BIRC6: variants seen among roughly 807,000 people sequenced by gnomAD.
BIRC6 encodes baculoviral IAP repeat containing 6, also known as dual E2 ubiquitin-conjugating enzyme/E3 ubiquitin-protein ligase BIRC6.
Under a neutral mutation model 503.3 loss-of-function variants are expected in BIRC6, and 98 were observed. That is an observed-to-expected ratio of 0.19 (90% CI 0.17 to 0.23). The LOEUF (loss-of-function observed/expected upper bound fraction) is 0.23, where lower values mean the gene tolerates loss of function less well. BIRC6 is among the 10% of genes least tolerant of loss of function. The probability of loss-of-function intolerance (pLI) is 1.00; values close to 1 mark genes in which losing one functional copy is unlikely to be tolerated. For synonymous variants in BIRC6, 2,240 were observed against 2,078.7 expected (o/e 1.08, Z -2.11); for missense variants, 5,360 against 5,806.0 (o/e 0.92, Z 2.50).
At chr2:32,373,226 A>G (rs2036233891) in intron 1 of BIRC6, among the ~76,000 whole-genome samples, 2 of 138,354 alleles carry the variant, frequency 1.4e-5, no homozygotes, top group South Asian at 4.8e-4. Flanking sequence ...TTTCTGCAGG[A>G]AAAAAAAAAA....
chr2:32,556,548 A>G (rs1282372354), intron 65 of BIRC6, among the ~76,000 whole-genome samples: 1 of 152,206 alleles, frequency 6.6e-6, no homozygotes, highest in Non-Finnish European at 1.5e-5. Flanking sequence ...CATCCCAGTT[A>G]AGAGTGAGCT....
chr2:32,469,257 G>T (rs2048878147), intron 29 of BIRC6, 138 bp from the exon 30 acceptor site: 1 of 697,826 alleles, frequency 1.4e-6, no homozygotes, highest in African/African-American at 1.8e-5. Context: ...CATACAAGGA[G>T]TAAATACATT....
At chr2:32,529,351 T>A (rs986428347) in intron 59 of BIRC6, 2 of 252,182 alleles carry the variant, frequency 7.9e-6, no homozygotes, top group Admixed American at 5.3e-5. Context: ...TTAAAGTATT[T>A]ATTAGCTGTC....
At chr2:32,418,583 T>C (rs1306055773) in intron 10 of BIRC6, among the ~76,000 whole-genome samples, 2 of 152,234 alleles carry the variant, frequency 1.3e-5, no homozygotes, top group Non-Finnish European at 1.5e-5. Flanking sequence ...TTTAACTTGC[T>C]GTAGGTCATC....
chr2:32,392,865 C>G (rs965033412), intron 5 of BIRC6, among the ~76,000 whole-genome samples: 1 of 151,680 alleles, frequency 6.6e-6, no homozygotes, highest in Non-Finnish European at 1.5e-5. Flanking sequence ...TGGTCTCGAA[C>G]TCCTGCTCAA....
At chr2:32,447,408 G>T (rs1478880764) in intron 21 of BIRC6, among the ~76,000 whole-genome samples, 351 of 140,378 alleles carry the variant, frequency 2.5e-3, no homozygotes, top group African/African-American at 7.3e-3. Context: ...CCTCCCGGAC[G>T]GGGCGGCTGG....
In BIRC6 at chr2:32,415,630, G is replaced by A. The variant is rs760450276; in HGVS notation, c.2339G>A (p.Arg780Gln). Residue 780 changes from arginine (R) to glutamine (Q), a missense_variant, in exon 10 of 74, where the codon CGG becomes CAG. Arg to Gln is a conservative substitution (Grantham distance 43). Coordinates refer to ENST00000421745, the MANE Select transcript of BIRC6 (RefSeq NM_016252.4). ...NKLNSALCNRRKGELESNLAV... is the reference protein window; with the variant it reads ...NKLNSALCNRQKGELESNLAV... ...TTAAACTCTGCACTATGTAATAGAC[G>A]GAAAGGTGAGCTGGAATCAAATCTT... The A allele has an allele frequency of 1.4e-5, 22 of 1,613,906 alleles. No homozygotes were observed. Among genetic ancestry groups the A allele is most frequent in the African/African-American group, 2.7e-5 (2 of 75,038 alleles).
chr2:32,551,701 A>G (rs900177456), intron 65 of BIRC6, among the ~76,000 whole-genome samples: 4 of 152,162 alleles, frequency 2.6e-5, no homozygotes, highest in African/African-American at 9.7e-5. Flanking sequence ...ATTTGCGTAT[A>G]TAGTATTATT....
chr2:32,508,162 C>G lies in BIRC6; in HGVS notation c.9883C>G (p.Gln3295Glu), dbSNP rs2053992372. The change falls in exon 51 of 74, where the codon CAA (glutamine) becomes GAA (glutamate). Residue 3295 changes from glutamine to glutamate, a missense_variant. By Grantham distance (29) the Gln-to-Glu change is conservative. This residue lies in a region of BIRC6 where 62 missense variants were observed against 107.4 expected (regional missense o/e 0.58). Coordinates refer to ENST00000421745, the MANE Select transcript of BIRC6 (RefSeq NM_016252.4). ...PRDASTLGLS[Q>E]IKLLGLTAFG... is the part of the protein sequence containing the mutation. ...GGATGCCAGCACATTAGGCCTTTCA[C>G]AAATTAAATTATTGGGGCTCACTGC... is the stretch of plus-strand genomic sequence containing the variant. 2.5e-6 allele frequency: 4 copies of G among 1,612,218 alleles called. No homozygotes were observed. The highest frequency in any genetic ancestry group is 3.4e-6 in the Non-Finnish European group (4 of 1,179,210).
chr2:32,560,222 A>G (rs1189474315), intron 65 of BIRC6, among the ~76,000 whole-genome samples: 3 of 152,240 alleles, frequency 2.0e-5, no homozygotes, highest in Non-Finnish European at 4.4e-5. Flanking sequence ...ATATCTTGAG[A>G]TATTTTTTAA....
intron 68 of BIRC6, among the ~76,000 whole-genome samples, chr2:32,596,100 C>T (rs943646967): frequency 1.3e-5 from 2 of 151,952 alleles, no homozygotes; most frequent in South Asian, 2.1e-4. Flanking sequence ...ATTTAATTAG[C>T]AATTACCAAG....
rs777414949 is a variant in BIRC6, at chr2:32,504,986, T to C, written c.9500-19T>C. ...TTCTTTTGCAAGTTCTTATAATTTA[T>C]GTAAAATATCTTCTCTAGGTACAAT... On this transcript the variant is annotated intron_variant, in intron 49 of 73. Transcript: ENST00000421745. 117 of 1,592,864 alleles carry C rather than the reference T, an allele frequency of 7.3e-5. 2 individuals are homozygous for C. In the Middle Eastern group the frequency reaches 1.3e-3, roughly 18 times the overall value.
intron 23 of BIRC6, among the ~76,000 whole-genome samples, chr2:32,457,098 A>G (rs1211408870): frequency 6.6e-6 from 1 of 151,956 alleles, no homozygotes; most frequent in Non-Finnish European, 1.5e-5. Flanking sequence ...TTCTCCGAGG[A>G]TTTACCTCGT....
At chr2:32,577,423 A>G (rs1202836402) in intron 66 of BIRC6, among the ~76,000 whole-genome samples, 1 of 152,132 alleles carries the variant, frequency 6.6e-6, no homozygotes, top group Non-Finnish European at 1.5e-5. Flanking sequence ...TTGCATAATG[A>G]TTTGGAATGT....
chr2:32,584,416 C>T (rs1180932327), intron 66 of BIRC6, among the ~76,000 whole-genome samples: 1 of 151,966 alleles, frequency 6.6e-6, no homozygotes, highest in Non-Finnish European at 1.5e-5. Context: ...GGGTGTAATC[C>T]CAGCTGCTTG....
intron 65 of BIRC6, among the ~76,000 whole-genome samples, chr2:32,573,811 C>T (rs1274965843): frequency 6.6e-6 from 1 of 152,176 alleles, no homozygotes; most frequent in East Asian, 1.9e-4. Flanking sequence ...TTCTGTCATT[C>T]GTTTTCACAA....
chr2:32,529,682 C>T lies in BIRC6; in HGVS notation c.11952C>T (p.Ala3984=), dbSNP rs965445378. Residue 3984 remains alanine, a synonymous_variant, in exon 60 of 74, where the codon GCC becomes GCT. Transcript: ENST00000421745. ...CATTGCCAGCTGAAATGACACTTGC[C>T]CAGCTTTTAACTCTCCTATATGACC... ...GQPLPAEMTL[A]QLLTLLYDRK... The T allele has an allele frequency of 6.2e-7, 1 of 1,604,222 alleles. No individual in the cohort carries two copies. The highest frequency in any genetic ancestry group is 8.5e-7 in the Non-Finnish European group (1 of 1,176,160).
intron 55 of BIRC6, among the ~76,000 whole-genome samples, chr2:32,517,287 A>G (rs146316999): frequency 0.013 from 2,000 of 152,238 alleles, 50 homozygotes; most frequent in African/African-American, 0.046. Context: ...GGCTGTAGTG[A>G]GCTGAGATCA....
chr2:32,520,375 C>T (rs1240519262), intron 57 of BIRC6, among the ~76,000 whole-genome samples: 2 of 152,072 alleles, frequency 1.3e-5, no homozygotes, highest in East Asian at 3.8e-4. Flanking sequence ...TGTTAGCATA[C>T]TGTTATAAAT....
Sources: allele counts gnomAD v4.1 joint callset (sites outside exome capture counted in the v4.1 genomes callset), GRCh38; gene constraint gnomAD v4.1.1; regional missense constraint gnomAD v4.1.1; transcripts MANE v1.5; gene names NCBI Gene and HGNC (gene_info 2026-07-23, HGNC 2026-07-21).